TRPC5: variants seen among roughly 807,000 people sequenced by gnomAD.
TRPC5 encodes short transient receptor potential channel 5.
In TRPC5, 9 loss-of-function variants were observed where a neutral mutation model predicts 56.5. That is an observed-to-expected ratio of 0.16 (90% CI 0.10 to 0.28). The LOEUF (loss-of-function observed/expected upper bound fraction) is 0.28. Ranked by LOEUF, TRPC5 falls within the 10% of genes least tolerant of loss-of-function variation. The probability of loss-of-function intolerance (pLI) is 1.00; values close to 1 mark genes in which losing one functional copy is unlikely to be tolerated. For missense variants in TRPC5, 469 were observed against 748.9 expected, an observed-to-expected ratio of 0.63 and a Z score of 4.36; for synonymous variants, 282 against 278.5, an observed-to-expected ratio of 1.01 and a Z score of -0.13.
chrX:111,932,658 G>A (rs1489431870), intron 2 of TRPC5, among the ~76,000 whole-genome samples: 1 of 111,316 alleles, frequency 9.0e-6, no homozygotes, highest in African/African-American at 3.3e-5. Context: ...GGATGATGCT[G>A]ACTGTTCACC....
At chrX:112,033,314 G>C (rs962803558) in intron 1 of TRPC5, among the ~76,000 whole-genome samples, 4 of 108,374 alleles carry the variant, frequency 3.7e-5, no homozygotes, top group Non-Finnish European at 7.7e-5. Context: ...CACATGTGTA[G>C]ATATGTAACA....
chrX:111,881,311 G>A (rs1407209505), intron 3 of TRPC5, among the ~76,000 whole-genome samples: 2 of 110,269 alleles, frequency 1.8e-5, no homozygotes, highest in Non-Finnish European at 3.8e-5. Flanking sequence ...CGAGTAGCTG[G>A]GACTACAGGC....
At chrX:112,031,753 C>T (rs904376705) in intron 1 of TRPC5, among the ~76,000 whole-genome samples, 1 of 108,780 alleles carries the variant, frequency 9.2e-6, no homozygotes, top group East Asian at 2.9e-4. Context: ...TGAATGAAAT[C>T]ATACAATATG....
intron 3 of TRPC5, among the ~76,000 whole-genome samples, chrX:111,863,458 A>G (rs1198913534): frequency 8.9e-6 from 1 of 112,110 alleles, no homozygotes; most frequent in Non-Finnish European, 1.9e-5. Flanking sequence ...TTGATTTTGT[A>G]TGTTATCTTG....
chrX:111,813,904 C>G (rs1285624289), intron 7 of TRPC5, among the ~76,000 whole-genome samples: 1 of 112,011 alleles, frequency 8.9e-6, no homozygotes, highest in African/African-American at 3.2e-5. Context: ...GGTTCATTTT[C>G]CCTGACAAGG....
In TRPC5 at chrX:111,854,016, G is replaced by A. The variant is rs1270828505; in HGVS notation, c.991C>T (p.Leu331Phe). Residue 331 changes from leucine to phenylalanine, a missense_variant, in exon 4 of 11, where the codon CTT becomes TTT. Around this residue, in one of 3 missense-constraint regions of TRPC5, gnomAD observed 157 missense variants for 360.0 expected, o/e 0.44. Transcript: ENST00000262839. ...AACCCAATGGTCATGCAGGTTAGAA[G>A]CTTGACTACCCAGTGTTTCCGCCGC... Reference protein sequence around the residue: ...GWRRKHWVVKLLTCMTIGFLF... With the variant: ...GWRRKHWVVKFLTCMTIGFLF... 2.5e-6 allele frequency: 3 copies of A among 1,210,003 alleles called. No individual in the cohort carries two copies. In the Admixed American group the frequency reaches 6.6e-5, roughly 26 times the overall value.
chrX:111,834,841 T>C (rs979886836), intron 7 of TRPC5, 80 bp downstream of exon 7: 20 of 745,602 alleles, frequency 2.7e-5, no homozygotes, highest in Non-Finnish European at 3.7e-5. Context: ...ACTCTTTCAT[T>C]GAGCTTCTAA....
chrX:111,799,548 A>G (rs1921233821), intron 7 of TRPC5, among the ~76,000 whole-genome samples: 1 of 111,220 alleles, frequency 9.0e-6, no homozygotes, highest in East Asian at 2.8e-4. Context: ...AAGTGCTGTC[A>G]ATGCTATGGA....
At chrX:111,996,514 G>T (rs1928537621) in intron 1 of TRPC5, among the ~76,000 whole-genome samples, 1 of 111,833 alleles carries the variant, frequency 8.9e-6, no homozygotes, top group African/African-American at 3.3e-5. Flanking sequence ...TTGTTGCAGA[G>T]CTGAGTTCAG....
intron 1 of TRPC5, among the ~76,000 whole-genome samples, chrX:111,967,704 G>C (rs759431374): frequency 8.6e-4 from 96 of 111,207 alleles, no homozygotes; most frequent in African/African-American, 2.8e-3. Context: ...ACAAACCTGA[G>C]AAAAACAAGC....
chrX:111,951,967 T>C, intron 2 of TRPC5, 76 bp downstream of exon 2: 1 of 1,137,409 alleles, frequency 8.8e-7, no homozygotes, highest in Non-Finnish European at 1.2e-6. Context: ...CCACCTAACC[T>C]TCCCTAGTTT....
intron 1 of TRPC5, among the ~76,000 whole-genome samples, chrX:112,054,167 G>A (rs1930284080): frequency 1.8e-5 from 2 of 111,997 alleles, no homozygotes; most frequent in African/African-American, 3.3e-5. Flanking sequence ...ACTTTGAGGT[G>A]ATGTGGGATT....
chrX:111,943,481 T>C (rs1926835995), intron 2 of TRPC5, among the ~76,000 whole-genome samples: 1 of 112,111 alleles, frequency 8.9e-6, no homozygotes, highest in Admixed American at 9.5e-5. Context: ...ACATAAACAC[T>C]TATCAGTGTT....
rs747370042 is a variant in TRPC5, at chrX:111,912,821, A to G, written c.379-9T>C. ...ATCATCAGAGTGGGGACCTAGGTAC[A>G]AGAAATGAGAAGAATAGAAGGGCAG... On this transcript the variant is annotated splice_polypyrimidine_tract_variant and intron_variant, in intron 2 of 10. Transcript: ENST00000262839. 21 of 1,187,006 alleles carry G rather than the reference A, an allele frequency of 1.8e-5. No individual in the cohort carries two copies. Among genetic ancestry groups the G allele is most frequent in the Non-Finnish European group, 2.0e-5 (18 of 887,464 alleles).
intron 1 of TRPC5, among the ~76,000 whole-genome samples, chrX:112,073,788 G>C (rs1038254178): frequency 5.4e-5 from 6 of 111,148 alleles, no homozygotes; most frequent in African/African-American, 2.0e-4. Context: ...TATCTTCCTC[G>C]CCTTATTATC....
chrX:111,988,724 T>C (rs1928275513), intron 1 of TRPC5, among the ~76,000 whole-genome samples: 1 of 111,316 alleles, frequency 9.0e-6, no homozygotes, highest in Non-Finnish European at 1.9e-5. Flanking sequence ...ATTTGCCTAC[T>C]GTCCAATGTC....
chrX:112,010,006 G>A (rs1055856307), intron 1 of TRPC5, among the ~76,000 whole-genome samples: 19 of 111,896 alleles, frequency 1.7e-4, no homozygotes, highest in Admixed American at 1.1e-3. Flanking sequence ...AAAAAAAATC[G>A]TACTTCAAGA....
Position 111,769,844 on chromosome X carries a change from A to G in TRPC5, c.*6469T>C, listed in dbSNP as rs1399989458. Among the ~76,000 whole-genome samples the G allele has an allele frequency of 8.9e-6, 1 of 111,999 alleles. No homozygotes were observed. Among genetic ancestry groups the G allele is most frequent in the Non-Finnish European group, 1.9e-5 (1 of 53,131 alleles). ...CTACCACATGTTTTACCAAGTGTGG[A>G]TCTAAAATTACTTTTGGCAATTTCT... On this transcript the variant is annotated 3_prime_UTR_variant, in exon 11 of 11. Transcript: ENST00000262839.
intron 3 of TRPC5, among the ~76,000 whole-genome samples, chrX:111,859,972 G>C (rs1923348119): frequency 8.8e-6 from 1 of 113,064 alleles, no homozygotes; most frequent in South Asian, 3.6e-4. Context: ...GCAGGGGCGA[G>C]ATCTCAGCTC....
Sources: allele counts gnomAD v4.1 joint callset (sites outside exome capture counted in the v4.1 genomes callset), GRCh38; gene constraint gnomAD v4.1.1; regional missense constraint gnomAD v4.1.1; transcripts MANE v1.5; gene names NCBI Gene and HGNC (gene_info 2026-07-23, HGNC 2026-07-21).